Variants in B4GALT5 observed in about 807,000 individuals in gnomAD.
The protein encoded by B4GALT5 is beta-1,4-galactosyltransferase 5, also known as UDP-Gal:beta-GlcNAc beta-1,4-galactosyltransferase 5.
A neutral mutation model predicts 45.0 loss-of-function variants in B4GALT5; 11 were observed. That is an observed-to-expected ratio of 0.24 (90% CI 0.15 to 0.40). B4GALT5 has a LOEUF of 0.40. Among genes scored for constraint, B4GALT5 ranks in the 10% least tolerant of loss-of-function variants. B4GALT5 has a pLI of 1.00. For missense variants in B4GALT5, 337 were observed against 500.2 expected, an observed-to-expected ratio of 0.67 and a Z score of 3.11; for synonymous variants, 185 against 182.9, an observed-to-expected ratio of 1.01 and a Z score of -0.09.
chr20:49,657,489 T>G (rs2085648322), intron 1 of B4GALT5, among the ~76,000 whole-genome samples: 1 of 152,246 alleles, frequency 6.6e-6, no homozygotes, highest in South Asian at 2.1e-4. Flanking sequence ...CCCTATATTC[T>G]ACTTGCAAAC....
chr20:49,664,253 C>CTT (rs1363958653), intron 1 of B4GALT5, among the ~76,000 whole-genome samples: 1 of 152,114 alleles, frequency 6.6e-6, no homozygotes, highest in Non-Finnish European at 1.5e-5. Context: ...GGATCTCACT[C>CTT]TGTCACCCAG....
rs397953588 is a variant in B4GALT5, at chr20:49,679,504, T to TAA, written c.116-22804_116-22803dup. Among the ~76,000 whole-genome samples, 58 of 141,844 alleles carry TAA rather than the reference T, an allele frequency of 4.1e-4. 1 individual carries two copies. The highest frequency in any genetic ancestry group is 2.2e-4 in the Non-Finnish European group (14 of 64,710). The allele number at this position is 141,844 out of a possible 152,430, so 93.1% of individuals were successfully genotyped here. The stretch of plus-strand genomic sequence containing the variant: ...TAACAGGGTGAAACCCCGTCTCTAC[T>TAA]AAAAAAAAAAAAATACAAAAAATTA... On this transcript the variant is annotated intron_variant, in intron 1 of 8. Coordinates refer to ENST00000371711, the MANE Select transcript of B4GALT5 (RefSeq NM_004776.4).
At chr20:49,640,828 C>T (rs1271326599) in intron 5 of B4GALT5, among the ~76,000 whole-genome samples, 163 bp from the exon 6 acceptor site, 1 of 152,224 alleles carries the variant, frequency 6.6e-6, no homozygotes, top group Non-Finnish European at 1.5e-5. Context: ...GCTCAGAAGT[C>T]ACTGGACCTC....
At chr20:49,658,142 G>C (rs6012705) in intron 1 of B4GALT5, among the ~76,000 whole-genome samples, 8 of 152,148 alleles carry the variant, frequency 5.3e-5, no homozygotes, top group African/African-American at 1.9e-4. Context: ...TGGCACCGTC[G>C]GAGAATAGAT....
Position 49,639,763 on chromosome 20 carries a change from A to G in B4GALT5, c.832T>C (p.Leu278=), listed in dbSNP as rs1318522754. 6.2e-7 allele frequency: 1 copy of G among 1,613,514 alleles called. No individual in the cohort carries two copies. The highest frequency in any genetic ancestry group is 1.3e-5 in the African/African-American group (1 of 74,920). The stretch of plus-strand genomic sequence containing the variant: ...ATTTTCCGAAATTGTTCCACTGTTA[A>G]GCCACTCACTCCGCCAAAGAACTCG... ...YTEFFGGVSG[L]TVEQFRKING... Residue 278 remains leucine, a synonymous_variant, in exon 7 of 9, where the codon TTA becomes CTA. Coordinates refer to ENST00000371711, the MANE Select transcript of B4GALT5 (RefSeq NM_004776.4).
chr20:49,654,667 C>T (rs751287522), intron 2 of B4GALT5, among the ~76,000 whole-genome samples: 34 of 152,268 alleles, frequency 2.2e-4, no homozygotes, highest in Non-Finnish European at 4.7e-4. Context: ...TTCGCATTTG[C>T]AACATTTGCA....
At chr20:49,685,840 G>T (rs2085782980) in intron 1 of B4GALT5, among the ~76,000 whole-genome samples, 1 of 150,480 alleles carries the variant, frequency 6.6e-6, no homozygotes, top group African/African-American at 2.5e-5. Context: ...TAAAAGTCTT[G>T]TTCTTTAACA....
At chr20:49,646,895 G>C (rs896056571) in intron 3 of B4GALT5, 70 bp downstream of exon 3, 89 of 901,328 alleles carry the variant, frequency 9.9e-5, no homozygotes, top group Non-Finnish European at 1.3e-4. Flanking sequence ...CAGGCAGACA[G>C]AGAGATCAAG....
At chr20:49,686,706 A>G (rs1217493463) in intron 1 of B4GALT5, among the ~76,000 whole-genome samples, 1 of 143,092 alleles carries the variant, frequency 7.0e-6, no homozygotes, top group Non-Finnish European at 1.5e-5. Context: ...CATAGGCAAC[A>G]TAGCAAGACC....
chr20:49,704,682 G>A (rs973221316), intron 1 of B4GALT5, among the ~76,000 whole-genome samples: 57 of 149,564 alleles, frequency 3.8e-4, no homozygotes, highest in Non-Finnish European at 7.5e-4. Context: ...TCCCGCCACT[G>A]CACTCCAGCC....
chr20:49,708,169 C>T (rs1010779903), intron 1 of B4GALT5, among the ~76,000 whole-genome samples: 3 of 151,960 alleles, frequency 2.0e-5, no homozygotes, highest in Non-Finnish European at 4.4e-5. Context: ...CACTTGAACC[C>T]AGGAGGCAGA....
intron 1 of B4GALT5, among the ~76,000 whole-genome samples, chr20:49,699,648 A>T (rs1849574440): frequency 6.6e-6 from 1 of 152,226 alleles, no homozygotes; most frequent in African/African-American, 2.4e-5. Flanking sequence ...ATGAATAACA[A>T]TGTAAAAGGA....
chr20:49,671,426 C>T (rs975835670), intron 1 of B4GALT5, among the ~76,000 whole-genome samples: 12 of 152,028 alleles, frequency 7.9e-5, no homozygotes, highest in South Asian at 4.1e-4. Flanking sequence ...AAATAATTTA[C>T]GCTAGGAGCA....
intron 2 of B4GALT5, 80 bp from the exon 3 acceptor site, chr20:49,647,158 T>C: frequency 2.5e-6 from 2 of 808,560 alleles, no homozygotes; most frequent in South Asian, 1.7e-5. Flanking sequence ...ACCAAGTAAG[T>C]CTTTCTCTTA....
At chr20:49,652,070 C>T (rs1482621916) in intron 2 of B4GALT5, among the ~76,000 whole-genome samples, 2 of 152,132 alleles carry the variant, frequency 1.3e-5, no homozygotes, top group Non-Finnish European at 2.9e-5. Context: ...CAGAGCAAGA[C>T]TGTCTCAAAA....
chr20:49,669,228 C>A (rs780633515), intron 1 of B4GALT5, among the ~76,000 whole-genome samples: 1 of 152,056 alleles, frequency 6.6e-6, no homozygotes, highest in African/African-American at 2.4e-5. Flanking sequence ...ATTAGAACTG[C>A]CTACACCTAT....
intron 1 of B4GALT5, among the ~76,000 whole-genome samples, chr20:49,658,478 T>TG (rs2085652249): frequency 6.6e-6 from 1 of 152,186 alleles, no homozygotes; most frequent in Non-Finnish European, 1.5e-5. Context: ...CTAAACCAGT[T>TG]GTCTTATTGA....
intron 1 of B4GALT5, among the ~76,000 whole-genome samples, chr20:49,687,153 C>T (rs944951900): frequency 6.6e-6 from 1 of 152,106 alleles, no homozygotes; most frequent in African/African-American, 2.4e-5. Context: ...GTAAAGGCCA[C>T]AGAGGCTGCA....
intron 4 of B4GALT5, 146 bp from the exon 5 acceptor site, chr20:49,642,730 A>G (rs1459455605): frequency 2.7e-4 from 176 of 641,202 alleles, no homozygotes; most frequent in South Asian, 2.0e-5. Context: ...ACAAAGATCT[A>G]TGTTGGCAAG....
Sources: gnomAD v4.1 joint callset for allele counts (sites outside exome capture counted in the v4.1 genomes callset) on GRCh38, gnomAD v4.1.1 for gene constraint, MANE v1.5 for transcripts, NCBI Gene and HGNC (gene_info 2026-07-23, HGNC 2026-07-21) for gene names.